SHISA9: variants seen among roughly 807,000 people sequenced by gnomAD.
The protein encoded by SHISA9 is protein shisa-9.
A neutral mutation model predicts 38.0 loss-of-function variants in SHISA9; 13 were observed. The ratio of observed to expected loss-of-function variants is 0.34; its 90% confidence interval spans 0.22 to 0.54. SHISA9 has a LOEUF of 0.54. SHISA9 is among the 20% of genes least tolerant of loss of function. The pLI is 0.91. For synonymous variants in SHISA9, 275 were observed against 242.0 expected, an observed-to-expected ratio of 1.14 and a Z score of -1.27; for missense variants, 538 against 575.8, an observed-to-expected ratio of 0.93 and a Z score of 0.67.
rs574070361 is a variant in SHISA9, at chr16:13,210,913, C to T, written c.848-2340C>T. Among the ~76,000 whole-genome samples the T allele has an allele frequency of 4.6e-5, 7 of 152,246 alleles. No individual in the cohort carries two copies. The East Asian group carries it at 1.2e-3, about 25-fold the overall frequency. ...AATTTCTAGCATCTAAAGTATGTAA[C>T]CAGGCAAAAGAAAAGCTGGGGAAGC... is the stretch of plus-strand genomic sequence containing the variant. On this transcript the variant is annotated intron_variant, in intron 3 of 4. Coordinates refer to ENST00000558583, the MANE Select transcript of SHISA9 (RefSeq NM_001145204.3).
At chr16:13,102,849 G>T (rs1257871747) in intron 2 of SHISA9, among the ~76,000 whole-genome samples, 1 of 152,160 alleles carries the variant, frequency 6.6e-6, no homozygotes, top group African/African-American at 2.4e-5. Context: ...CCTAGGCCAA[G>T]AGTCATCTTA....
rs192336809 is a variant in SHISA9, at chr16:12,909,273, T to G, written c.563+6646T>G. ...CACACATTGTAAGTGTGTAGTTTGA[T>G]GAGCTTGGACAAATGTCTATACCTG... On this transcript the variant is annotated intron_variant, in intron 1 of 4. Transcript: ENST00000558583. 6.1e-6 allele frequency: 6 copies of G among 984,928 alleles called. No individual in the cohort carries two copies. The African/African-American group carries it at 8.7e-5, about 14-fold the overall frequency. The allele number at this position is 984,928 out of a possible 1,614,324, so 61.0% of individuals were successfully genotyped here.
At chr16:13,282,235 A>T in the SHISA9 span, among the ~76,000 whole-genome samples, 1 of 151,800 alleles carries the variant, frequency 6.6e-6, no homozygotes, top group African/African-American at 2.4e-5. Context: ...CCTACATCTC[A>T]CCTTTAGTTT....
the SHISA9 span, among the ~76,000 whole-genome samples, chr16:13,347,081 C>T: frequency 2.0e-5 from 3 of 152,102 alleles, no homozygotes; most frequent in Admixed American, 2.0e-4. Flanking sequence ...TTGTATTGTG[C>T]TTATGTAGTT....
the SHISA9 span, among the ~76,000 whole-genome samples, chr16:13,556,092 G>A: frequency 2.6e-5 from 4 of 152,174 alleles, no homozygotes; most frequent in Non-Finnish European, 5.9e-5. Context: ...GCCACTTTCC[G>A]ATTCCACCCT....
intron 2 of SHISA9, among the ~76,000 whole-genome samples, chr16:12,996,335 T>C (rs1360752003): frequency 2.0e-5 from 3 of 152,052 alleles, no homozygotes; most frequent in African/African-American, 7.2e-5. Context: ...AAGCCCATTT[T>C]CCCACGTAGC....
intron 2 of SHISA9, among the ~76,000 whole-genome samples, chr16:13,164,723 T>C (rs2050622009): frequency 1.3e-5 from 2 of 152,082 alleles, no homozygotes. Flanking sequence ...ACATTTTTAT[T>C]TCCCTCTTAA....
At chr16:13,150,870 G>A (rs374238519) in intron 2 of SHISA9, among the ~76,000 whole-genome samples, 11 of 152,120 alleles carry the variant, frequency 7.2e-5, no homozygotes, top group Middle Eastern at 3.2e-3. Flanking sequence ...ACAATGTAAC[G>A]TTTCCTTTTT....
At chr16:13,464,242 A>C in the SHISA9 span, among the ~76,000 whole-genome samples, 1 of 152,324 alleles carries the variant, frequency 6.6e-6, no homozygotes, top group African/African-American at 2.4e-5. Context: ...AGCTCTAAAG[A>C]ATAATCACCT....
At chr16:13,252,753 T>C in the SHISA9 span, among the ~76,000 whole-genome samples, 4 of 152,218 alleles carry the variant, frequency 2.6e-5, no homozygotes, top group Non-Finnish European at 4.4e-5. Flanking sequence ...GGAAGCTCCA[T>C]GGGGGTAGAA....
At chr16:13,101,335 A>C (rs969624467) in intron 2 of SHISA9, among the ~76,000 whole-genome samples, 1 of 152,238 alleles carries the variant, frequency 6.6e-6, no homozygotes, top group Non-Finnish European at 1.5e-5. Context: ...TATTGTATCG[A>C]TTATGTCACA....
intron 2 of SHISA9, among the ~76,000 whole-genome samples, chr16:13,132,095 C>T (rs1326578099): frequency 6.6e-6 from 1 of 152,142 alleles, no homozygotes; most frequent in Non-Finnish European, 1.5e-5. Flanking sequence ...AATGTATCAG[C>T]CAGAACAGAA....
the SHISA9 span, among the ~76,000 whole-genome samples, chr16:13,523,102 C>T: frequency 6.6e-6 from 1 of 152,142 alleles, no homozygotes; most frequent in Admixed American, 6.5e-5. Context: ...AATCCTGGCA[C>T]TGTGGGAGGC....
the SHISA9 span, among the ~76,000 whole-genome samples, chr16:13,323,810 T>C: frequency 2.6e-5 from 4 of 152,182 alleles, no homozygotes; most frequent in Non-Finnish European, 5.9e-5. Context: ...CAAGATCCAG[T>C]CACCTCCCAC....
At chr16:13,522,713 C>A in the SHISA9 span, among the ~76,000 whole-genome samples, 1 of 152,170 alleles carries the variant, frequency 6.6e-6, no homozygotes, top group Admixed American at 6.5e-5. Flanking sequence ...TAGGCCACAG[C>A]CATCCCTTCC....
chr16:13,175,071 A>G (rs182586399), intron 2 of SHISA9, among the ~76,000 whole-genome samples: 1 of 152,258 alleles, frequency 6.6e-6, no homozygotes, highest in Non-Finnish European at 1.5e-5. Context: ...CGTCTTTTAA[A>G]AAAGGTCTGG....
At chr16:13,205,918 T>C (rs1277851082) in intron 3 of SHISA9, among the ~76,000 whole-genome samples, 2 of 149,446 alleles carry the variant, frequency 1.3e-5, no homozygotes, top group African/African-American at 5.0e-5. Flanking sequence ...TGCACCACTA[T>C]GCCTGGCTAA....
chr16:13,360,461 T>C, the SHISA9 span, among the ~76,000 whole-genome samples: 5 of 152,140 alleles, frequency 3.3e-5, no homozygotes, highest in African/African-American at 1.2e-4. Context: ...CTTCTCATGA[T>C]AGTAAGTTCT....
the SHISA9 span, among the ~76,000 whole-genome samples, chr16:13,292,826 A>C: frequency 2.6e-5 from 4 of 152,210 alleles, no homozygotes; most frequent in Admixed American, 1.3e-4. Flanking sequence ...AAGGACCAAC[A>C]GTTCTAAGAC....
Sources: gnomAD v4.1 joint callset for allele counts (sites outside exome capture counted in the v4.1 genomes callset) on GRCh38, gnomAD v4.1.1 for gene constraint, MANE v1.5 for transcripts, NCBI Gene and HGNC (gene_info 2026-07-23, HGNC 2026-07-21) for gene names.